CCR3: variants seen among roughly 807,000 people sequenced by gnomAD.
CCR3 encodes the protein C-C motif chemokine receptor 3.
For synonymous variants in CCR3, 203 were observed against 179.2 expected (o/e 1.13, Z -1.06); for missense variants, 419 against 437.5 (o/e 0.96, Z 0.38).
chr3:46,248,926 T>A lies in CCR3; in HGVS notation c.-12+6388T>A, dbSNP rs141922846. Among the ~76,000 whole-genome samples the A allele has an allele frequency of 3.9e-3, 590 of 152,308 alleles. 3 individuals are homozygous for A. The highest frequency in any genetic ancestry group is 0.014 in the African/African-American group (564 of 41,550). ...AGATTCTGAACTAACTTGTAAGGCT[T>A]GTCTGGTTTTAGGACAGGTAAAATG... On this transcript the variant is annotated intron_variant, in intron 1 of 1. Transcript: ENST00000395940.
intron 1 of CCR3, among the ~76,000 whole-genome samples, chr3:46,246,890 A>G (rs574090527): frequency 2.1e-4 from 32 of 152,150 alleles, no homozygotes; most frequent in African/African-American, 7.2e-4. Context: ...GGGAGAGATT[A>G]AGCTGAAGGG....
At chr3:46,214,601 A>C (rs1398292932) in intron 2 of CCR3, among the ~76,000 whole-genome samples, 1 of 152,200 alleles carries the variant, frequency 6.6e-6, no homozygotes, top group Non-Finnish European at 1.5e-5. Flanking sequence ...GACATCTAAC[A>C]GAGAAAAGGG....
intron 2 of CCR3, among the ~76,000 whole-genome samples, chr3:46,219,758 G>T (rs189466323): frequency 6.6e-6 from 1 of 152,082 alleles, no homozygotes; most frequent in Non-Finnish European, 1.5e-5. Flanking sequence ...CCTTTCCAAC[G>T]AATGGTACTG....
chr3:46,245,296 C>T (rs1188006435), intron 1 of CCR3, among the ~76,000 whole-genome samples: 1 of 150,312 alleles, frequency 6.7e-6, no homozygotes, highest in Non-Finnish European at 1.5e-5. Context: ...TCCGTTCCTG[C>T]ACTGTTCTCA....
intron 2 of CCR3, among the ~76,000 whole-genome samples, chr3:46,236,171 C>T (rs1700022136): frequency 6.6e-6 from 1 of 152,210 alleles, no homozygotes; most frequent in South Asian, 2.1e-4. Context: ...CGGGAACTGC[C>T]TCCTTGGGAA....
At chr3:46,265,052 G>A in intron 1 of CCR3, 96 bp from the exon 2 acceptor site, 1 of 761,270 alleles carries the variant, frequency 1.3e-6, no homozygotes, top group East Asian at 2.6e-5. Context: ...ATCACATGTG[G>A]CATCTTTGTT....
At chr3:46,264,050 C>T in intron 1 of CCR3, 2 of 248,038 alleles carry the variant, frequency 8.1e-6, no homozygotes, top group Non-Finnish European at 1.6e-5. Context: ...GCTTAACTGT[C>T]CTTCCATGAC....
At chr3:46,232,477 A>G (rs1163648203) in intron 2 of CCR3, among the ~76,000 whole-genome samples, 3 of 152,236 alleles carry the variant, frequency 2.0e-5, no homozygotes, top group African/African-American at 4.8e-5. Context: ...TGGCATAGCC[A>G]CGTGGGGGTC....
chr3:46,223,856 A>G (rs1699863568), intron 2 of CCR3, among the ~76,000 whole-genome samples: 1 of 152,138 alleles, frequency 6.6e-6, no homozygotes, highest in Admixed American at 6.5e-5. Context: ...GGACATGGAT[A>G]GAGGTACTAG....
intron 1 of CCR3, among the ~76,000 whole-genome samples, chr3:46,261,733 GT>G (rs1700528905): frequency 1.3e-5 from 2 of 152,218 alleles, no homozygotes; most frequent in Admixed American, 1.3e-4. Context: ...GATCTAGTTT[GT>G]ACTCTTGAGA....
intron 1 of CCR3, 30 bp downstream of exon 1, chr3:46,242,568 G>T (rs1700102231): frequency 6.6e-6 from 1 of 152,018 alleles, no homozygotes; most frequent in Non-Finnish European, 1.5e-5. Context: ...GAAAAGGGAG[G>T]TGGAACAAGG....
chr3:46,233,511 C>T (rs774251131), intron 2 of CCR3, among the ~76,000 whole-genome samples: 3 of 152,062 alleles, frequency 2.0e-5, no homozygotes, highest in Admixed American at 6.5e-5. Context: ...CTATCTTCTG[C>T]GTGTGTTGTT....
chr3:46,260,181 C>A (rs1199107023), intron 1 of CCR3, among the ~76,000 whole-genome samples: 1 of 152,180 alleles, frequency 6.6e-6, no homozygotes, highest in Non-Finnish European at 1.5e-5. Flanking sequence ...GTGTCTCCCA[C>A]GACACATGGG....
rs541229640 is a variant in CCR3 at position 46,249,495 on chromosome 3, T to G, written c.-12+6957T>G. 1.3e-3 allele frequency among the ~76,000 whole-genome samples: 203 copies of G among 152,268 alleles called. 3 individuals carry two copies. The highest frequency in any genetic ancestry group is 4.6e-3 in the African/African-American group (190 of 41,536). On this transcript the variant is annotated intron_variant, in intron 1 of 1. Transcript: ENST00000395940. ...GATTAAGAAGGGGATGGACTTACCCTCCACTGTGAGAGTTACCTAAAGCTC... is the reference window on the plus strand; with the variant it reads ...GATTAAGAAGGGGATGGACTTACCCGCCACTGTGAGAGTTACCTAAAGCTC...
upstream of CCR3, among the ~76,000 whole-genome samples, chr3:46,238,460 CAAAGT>C (rs145370168): frequency 0.12 from 18,230 of 151,958 alleles, 1,344 homozygotes; most frequent in South Asian, 0.27. Context: ...GGAAACTTAA[CAAAGT>C]GTTGCAGCAG....
At chr3:46,235,731 AC>A (rs1433944951) in intron 2 of CCR3, among the ~76,000 whole-genome samples, 2 of 151,974 alleles carry the variant, frequency 1.3e-5, no homozygotes, top group African/African-American at 4.8e-5. Context: ...AACCAAACAT[AC>A]TCTTCCACTA....
At chr3:46,246,458 T>C (rs954726984) in intron 1 of CCR3, among the ~76,000 whole-genome samples, 1 of 151,130 alleles carries the variant, frequency 6.6e-6, no homozygotes, top group Admixed American at 6.6e-5. Flanking sequence ...GTTTGTTCTC[T>C]GGCGGGCAGG....
In CCR3 at chr3:46,266,167, G is replaced by C. The variant is rs1301702518; in HGVS notation, c.1009G>C (p.Glu337Gln). 1.9e-6 allele frequency: 3 copies of C among 1,614,078 alleles called. No homozygotes were observed. The highest frequency in any genetic ancestry group is 4.5e-5 in the East Asian group (2 of 44,874). ...CCCATTCCTTCCTAGTGAGAAGCTG[G>C]AAAGAACCAGCTCTGTCTCTCCATC... ...YIPFLPSEKL[E>Q]RTSSVSPSTA... The change falls in exon 2 of 2, where the codon GAA becomes CAA. Residue 337 changes from glutamate to glutamine, a missense_variant. Physicochemically the swap from Glu to Gln is conservative, Grantham distance 29 (BLOSUM62 2). Transcript: ENST00000395940.
At chr3:46,231,049 C>T (rs146190298) in intron 2 of CCR3, among the ~76,000 whole-genome samples, 15 of 152,238 alleles carry the variant, frequency 9.9e-5, no homozygotes, top group African/African-American at 1.4e-4. Flanking sequence ...CTCAGCCTCC[C>T]GAGTAGCTGG....
Sources: gnomAD v4.1 joint callset for allele counts (sites outside exome capture counted in the v4.1 genomes callset) on GRCh38, gnomAD v4.1.1 for gene constraint, MANE v1.5 for transcripts, NCBI Gene and HGNC (gene_info 2026-07-23, HGNC 2026-07-21) for gene names.